The following MTRF1 variants were observed in gnomAD, a reference collection of about 807,000 sequenced individuals.
MTRF1 encodes the protein peptide chain release factor 1, mitochondrial.
A neutral mutation model predicts 62.9 loss-of-function variants in MTRF1; 51 were observed. The observed-to-expected ratio is 0.81, with a 90% CI of 0.65 to 1.02. The LOEUF (loss-of-function observed/expected upper bound fraction) is 1.02. Ranked by LOEUF, MTRF1 falls within the 50% of genes least tolerant of loss-of-function variation. The probability of loss-of-function intolerance (pLI) is 0.00; values close to 1 mark genes in which losing one functional copy is unlikely to be tolerated. For missense variants in MTRF1, 446 were observed against 530.0 expected, an observed-to-expected ratio of 0.84 and a Z score of 1.56; for synonymous variants, 158 against 181.9, an observed-to-expected ratio of 0.87 and a Z score of 1.06.
intron 7 of MTRF1, chr13:41,229,563 T>C (rs2035129979): frequency 6.6e-6 from 1 of 152,182 alleles, no homozygotes; most frequent in African/African-American, 2.4e-5. Context: ...AAGTCAGCAA[T>C]TTATGGCTAC....
chr13:41,259,619 G>A (rs571850213), intron 2 of MTRF1, among the ~76,000 whole-genome samples: 52 of 149,648 alleles, frequency 3.5e-4, no homozygotes, highest in African/African-American at 1.2e-3. Context: ...GGAGAATGGC[G>A]TGAACCCGGG....
intron 3 of MTRF1, among the ~76,000 whole-genome samples, chr13:41,253,674 T>C (rs528585927): frequency 6.6e-6 from 1 of 152,370 alleles, no homozygotes; most frequent in South Asian, 2.1e-4. Flanking sequence ...CTATGTGTCA[T>C]GACTGTCCCT....
intron 2 of MTRF1, among the ~76,000 whole-genome samples, chr13:41,256,316 A>G (rs949752942): frequency 2.1e-5 from 3 of 142,404 alleles, no homozygotes; most frequent in Non-Finnish European, 4.5e-5. Context: ...ATTACAGACC[A>G]TCTGTTGTAG....
the MTRF1 span, among the ~76,000 whole-genome samples, chr13:41,284,127 A>G: frequency 6.7e-6 from 1 of 148,556 alleles, no homozygotes; most frequent in Non-Finnish European, 1.5e-5. Flanking sequence ...AGAACTTTAC[A>G]GCCCATGAGT....
In MTRF1 at chr13:41,216,983, A is replaced by T. The variant is rs370543012; in HGVS notation, c.*132T>A. ...GAAATGTGACTTCGATTAATTACAA[A>T]ACATATATTTATGTGTAATGTGTTC... On this transcript the variant is annotated 3_prime_UTR_variant, in exon 10 of 10. Transcript: ENST00000379480. The T allele has an allele frequency of 1.8e-5, 9 of 492,372 alleles. No homozygotes were observed. In the East Asian group the frequency reaches 2.0e-4, roughly 11 times the overall value. 30.5% of individuals were successfully genotyped at this position (492,372 alleles called of 1,614,324 possible).
the MTRF1 span, chr13:41,311,239 T>G: frequency 3.9e-6 from 2 of 517,720 alleles, no homozygotes; most frequent in African/African-American, 4.1e-5. Flanking sequence ...AGGATCCGGC[T>G]CGGGAGGCGG....
chr13:41,235,481 A>G (rs1235620767), intron 6 of MTRF1: 1 of 152,230 alleles, frequency 6.6e-6, no homozygotes, highest in East Asian at 1.9e-4. Context: ...ATGGAACCTT[A>G]TTCGGAAAAA....
intron 5 of MTRF1, among the ~76,000 whole-genome samples, chr13:41,250,035 G>C (rs1297112519): frequency 6.6e-6 from 1 of 152,040 alleles, no homozygotes; most frequent in African/African-American, 2.4e-5. Context: ...GTGTCTAAAG[G>C]AAAGGTTTCC....
At chr13:41,224,339 C>T (rs2033966655) in intron 8 of MTRF1, among the ~76,000 whole-genome samples, 1 of 152,184 alleles carries the variant, frequency 6.6e-6, no homozygotes, top group South Asian at 2.1e-4. Context: ...ATCTCCTCCA[C>T]CTCCCCAACA....
the MTRF1 span, among the ~76,000 whole-genome samples, chr13:41,269,127 C>T: frequency 4.7e-5 from 7 of 148,062 alleles, no homozygotes; most frequent in Non-Finnish European, 1.0e-4. Flanking sequence ...AAAAACAAAA[C>T]CTCTTTATTT....
the MTRF1 span, among the ~76,000 whole-genome samples, chr13:41,302,583 G>A: frequency 6.6e-6 from 1 of 151,512 alleles, no homozygotes; most frequent in Non-Finnish European, 1.5e-5. Context: ...AGGCTGGAGT[G>A]CAGTGACACA....
At chr13:41,225,961 G>A (rs2034349793) in intron 8 of MTRF1, among the ~76,000 whole-genome samples, 1 of 151,420 alleles carries the variant, frequency 6.6e-6, no homozygotes, top group Admixed American at 6.6e-5. Context: ...GTACCAAATG[G>A]TACATAATGA....
chr13:41,256,123 A>G (rs2039678928), intron 2 of MTRF1, among the ~76,000 whole-genome samples: 1 of 152,164 alleles, frequency 6.6e-6, no homozygotes, highest in African/African-American at 2.4e-5. Flanking sequence ...TGGGGAGACA[A>G]CGAAGAAAAA....
chr13:41,221,231 A>G (rs921445305), intron 9 of MTRF1, among the ~76,000 whole-genome samples: 4 of 148,508 alleles, frequency 2.7e-5, no homozygotes, highest in African/African-American at 1.0e-4. Context: ...ATCTTGGCTC[A>G]CTACAAGTTC....
chr13:41,282,153 A>AG, the MTRF1 span, among the ~76,000 whole-genome samples: 3 of 151,596 alleles, frequency 2.0e-5, no homozygotes. Context: ...AAAAAAAAAA[A>AG]GAAAATACTC....
the MTRF1 span, among the ~76,000 whole-genome samples, chr13:41,306,246 T>A: frequency 1.3e-5 from 2 of 151,378 alleles, no homozygotes; most frequent in African/African-American, 2.4e-5. Flanking sequence ...TAGCCGGGCG[T>A]GGTGGCGGGC....
At chr13:41,258,252 C>T (rs2039981304) in intron 2 of MTRF1, among the ~76,000 whole-genome samples, 1 of 152,100 alleles carries the variant, frequency 6.6e-6, no homozygotes, top group Non-Finnish European at 1.5e-5. Context: ...AGTGACTGGC[C>T]TGTGTATCAC....
intron 5 of MTRF1, among the ~76,000 whole-genome samples, chr13:41,245,022 A>G (rs1010514939): frequency 3.3e-5 from 5 of 152,018 alleles, no homozygotes; most frequent in African/African-American, 1.2e-4. Flanking sequence ...AATATTTGTC[A>G]TTTTCTTCAC....
chr13:41,268,083 C>G (rs1594105869), upstream of MTRF1, among the ~76,000 whole-genome samples: 1 of 152,212 alleles, frequency 6.6e-6, no homozygotes, highest in Non-Finnish European at 1.5e-5. Flanking sequence ...TCTTATTATT[C>G]TAACATCAGA....
Sources: allele counts gnomAD v4.1 joint callset (sites outside exome capture counted in the v4.1 genomes callset), GRCh38; gene constraint gnomAD v4.1.1; transcripts MANE v1.5; gene names NCBI Gene and HGNC (gene_info 2026-07-23, HGNC 2026-07-21).